Variants in MAPK14 observed in about 807,000 individuals in gnomAD.
The protein encoded by MAPK14 is mitogen-activated protein kinase 14, also known as CSAID-binding protein.
Under a neutral mutation model 49.6 loss-of-function variants are expected in MAPK14, and 16 were observed. That is an observed-to-expected ratio of 0.32 (90% CI 0.22 to 0.49). The LOEUF (loss-of-function observed/expected upper bound fraction) is 0.49, where lower values mean the gene tolerates loss of function less well. MAPK14 is among the 20% of genes least tolerant of loss of function. MAPK14 has a pLI of 0.99. For missense variants in MAPK14, 200 were observed against 441.2 expected, an observed-to-expected ratio of 0.45 and a Z score of 4.90; for synonymous variants, 142 against 158.0, an observed-to-expected ratio of 0.90 and a Z score of 0.76.
At chr6:36,075,760 G>A in intron 6 of MAPK14, 88 bp from the exon 7 acceptor site, 4 of 1,572,772 alleles carry the variant, frequency 2.5e-6, no homozygotes, top group South Asian at 2.2e-5. Context: ...TAAGGCAACA[G>A]AGGTTTGTTT....
intron 3 of MAPK14, among the ~76,000 whole-genome samples, chr6:36,062,303 G>A (rs769653496): frequency 6.6e-6 from 1 of 152,056 alleles, no homozygotes; most frequent in African/African-American, 2.4e-5. Context: ...AGTTATTTTG[G>A]GATATGCATA....
In MAPK14 at chr6:36,028,538, C is replaced by G. The variant is rs1202704299; in HGVS notation, c.116+265C>G. Among the ~76,000 whole-genome samples, 1 of 152,244 alleles carries G rather than the reference C, an allele frequency of 6.6e-6. No homozygotes were observed. The highest frequency in any genetic ancestry group is 2.4e-5 in the African/African-American group (1 of 41,478). On this transcript the variant is annotated intron_variant, in intron 1 of 11. Coordinates refer to ENST00000229794, the MANE Select transcript of MAPK14 (RefSeq NM_139012.3). The surrounding 1 kb of genome is among the most constrained non-coding windows in gnomAD (Gnocchi z 5.1). ...CTGGAGCTCGGTTCTGGCTAGCACCCTGCGCCTTCCCCTCTCGGAGGGTTG... is the reference window on the plus strand; with the variant it reads ...CTGGAGCTCGGTTCTGGCTAGCACCGTGCGCCTTCCCCTCTCGGAGGGTTG...
At chr6:36,073,302 C>A (rs1397577002) in intron 4 of MAPK14, among the ~76,000 whole-genome samples, 1 of 152,156 alleles carries the variant, frequency 6.6e-6, no homozygotes, top group African/African-American at 2.4e-5. Flanking sequence ...TACATCTAAA[C>A]AATAATTTAT....
At chr6:36,116,175 T>C (rs560721645), downstream of MAPK14, among the ~76,000 whole-genome samples, 1 of 152,290 alleles carries the variant, frequency 6.6e-6, no homozygotes, top group East Asian at 1.9e-4. Context: ...GTTAGATGCT[T>C]GTACCTATAC....
In MAPK14 at chr6:36,102,430, A is replaced by G. The variant is rs77139049; in HGVS notation, c.763-141A>G. ...GAAGTTAGGATGGCAGTAAGGGAGA[A>G]GTTCTATCAAAGACAGTTAGAAACA... is the stretch of plus-strand genomic sequence containing the variant. On this transcript the variant is annotated intron_variant, in intron 9 of 11. Coordinates refer to ENST00000229794, the MANE Select transcript of MAPK14 (RefSeq NM_139012.3). 688 of 634,258 alleles carry G rather than the reference A, an allele frequency of 1.1e-3. 6 individuals are homozygous for G. In the African/African-American group the frequency reaches 0.012, roughly 11 times the overall value. The allele number at this position is 634,258 out of a possible 1,614,324, so 39.3% of individuals were successfully genotyped here.
intron 3 of MAPK14, among the ~76,000 whole-genome samples, chr6:36,070,983 C>G (rs1259347828): frequency 6.6e-6 from 1 of 152,094 alleles, no homozygotes; most frequent in East Asian, 1.9e-4. Context: ...ATTACCCAAT[C>G]TCAGGAATAG....
chr6:36,074,122 G>T (rs375695369), intron 6 of MAPK14, 26 bp downstream of exon 6: 1 of 1,595,090 alleles, frequency 6.3e-7, no homozygotes, highest in Non-Finnish European at 8.6e-7. Context: ...AGTATTCATT[G>T]TTTGCTTTAC....
At chr6:36,102,171 C>A (rs1237399889) in intron 9 of MAPK14, among the ~76,000 whole-genome samples, 1 of 152,202 alleles carries the variant, frequency 6.6e-6, no homozygotes, top group Non-Finnish European at 1.5e-5. Flanking sequence ...TCAGCACTGT[C>A]AAAAGACTGC....
chr6:36,045,873 A>G (rs1281250691), intron 1 of MAPK14, among the ~76,000 whole-genome samples: 1 of 151,568 alleles, frequency 6.6e-6, no homozygotes, highest in Non-Finnish European at 1.5e-5. Context: ...CCTCAGCTGT[A>G]CAGACTTTCT....
intron 7 of MAPK14, 46 bp from the exon 8 acceptor site, chr6:36,076,491 T>TC (rs778959239): frequency 1.5e-6 from 2 of 1,372,698 alleles, no homozygotes; most frequent in Non-Finnish European, 2.1e-6. Context: ...CCAAGAATTG[T>TC]AACAGTGACA....
At chr6:36,089,283 C>T (rs1765121415) in intron 8 of MAPK14, among the ~76,000 whole-genome samples, 1 of 152,110 alleles carries the variant, frequency 6.6e-6, no homozygotes, top group African/African-American at 2.4e-5. Context: ...AGCCATTTTC[C>T]TCAGAAAGCC....
At chr6:36,061,159 T>C (rs1345623540) in intron 3 of MAPK14, among the ~76,000 whole-genome samples, 2 of 152,216 alleles carry the variant, frequency 1.3e-5, no homozygotes, top group African/African-American at 4.8e-5. Flanking sequence ...TGAATTACTT[T>C]GGAAAACATT....
Position 36,028,340 on chromosome 6 carries a change from C to T in MAPK14, c.116+67C>T. ...CCCTCGCGCCCGAGGGCCAGGCCTGCTCCACTGCTCAGCGTTGCGTCAAGT... is the reference window on the plus strand; with the variant it reads ...CCCTCGCGCCCGAGGGCCAGGCCTGTTCCACTGCTCAGCGTTGCGTCAAGT... On this transcript the variant is annotated intron_variant, in intron 1 of 11. Coordinates refer to ENST00000229794, the MANE Select transcript of MAPK14 (RefSeq NM_139012.3). The surrounding 1 kb of genome is among the most constrained non-coding windows in gnomAD (Gnocchi z 5.1). The T allele has an allele frequency of 9.1e-7, 1 of 1,099,322 alleles. No individual in the cohort carries two copies. The allele number at this position is 1,099,322 out of a possible 1,614,324, so 68.1% of individuals were successfully genotyped here.
At chr6:36,073,626 C>T in intron 4 of MAPK14, 65 bp from the exon 5 acceptor site, 2 of 1,303,432 alleles carry the variant, frequency 1.5e-6, no homozygotes, top group South Asian at 1.3e-5. Context: ...AAATGTGCAG[C>T]AAATATGTTA....
the MAPK14 span, among the ~76,000 whole-genome samples, chr6:36,117,695 C>T: frequency 6.6e-6 from 1 of 152,142 alleles, no homozygotes; most frequent in African/African-American, 2.4e-5. Flanking sequence ...GAGAGTGGGG[C>T]TGTGAGGACT....
chr6:36,085,381 A>G (rs377561686), intron 8 of MAPK14, among the ~76,000 whole-genome samples: 12 of 152,364 alleles, frequency 7.9e-5, no homozygotes, highest in African/African-American at 2.2e-4. Flanking sequence ...GGCAAGCTGG[A>G]TAAAGAATCA....
At chr6:36,090,421 C>T (rs1339556360) in intron 8 of MAPK14, among the ~76,000 whole-genome samples, 1 of 151,134 alleles carries the variant, frequency 6.6e-6, no homozygotes, top group Non-Finnish European at 1.5e-5. Context: ...CCTCCTGAGG[C>T]TGGTCTAGAA....
At chr6:36,098,972 T>G (rs1457373744) in intron 9 of MAPK14, among the ~76,000 whole-genome samples, 3 of 152,228 alleles carry the variant, frequency 2.0e-5, no homozygotes, top group African/African-American at 7.2e-5. Flanking sequence ...TGGAATTTAC[T>G]GGCCTCTGTC....
chr6:36,060,591 C>T (rs1462036997), intron 3 of MAPK14, among the ~76,000 whole-genome samples: 1 of 152,184 alleles, frequency 6.6e-6, no homozygotes, highest in East Asian at 1.9e-4. Context: ...TGAACCTAAC[C>T]AGTTTCTCCT....
Sources: gnomAD v4.1 joint callset for allele counts (sites outside exome capture counted in the v4.1 genomes callset) on GRCh38, gnomAD v4.1.1 for gene constraint, Gnocchi (gnomAD v3.1) non-coding constraint, MANE v1.5 for transcripts, NCBI Gene and HGNC (gene_info 2026-07-23, HGNC 2026-07-21) for gene names.